LRP5: variants seen among roughly 807,000 people sequenced by gnomAD.
LRP5 encodes low-density lipoprotein receptor-related protein 5.
A neutral mutation model predicts 154.1 loss-of-function variants in LRP5; 62 were observed. The ratio of observed to expected loss-of-function variants is 0.40; its 90% CI spans 0.33 to 0.50. The LOEUF (loss-of-function observed/expected upper bound fraction) is 0.50, where lower values mean the gene tolerates loss of function less well. Among genes scored for constraint, LRP5 ranks in the 20% least tolerant of loss-of-function variants. The pLI is 0.55. For synonymous variants in LRP5, 966 were observed against 1,011.5 expected (o/e 0.96, Z 0.85); for missense variants, 1,915 against 2,336.7 (o/e 0.82, Z 3.72).
chr11:68,425,939 G>C lies in LRP5; in HGVS notation c.3428-39G>C, dbSNP rs201495005. 5.1e-6 allele frequency: 8 copies of C among 1,572,978 alleles called. No homozygotes were observed. The Admixed American group carries it at 8.3e-5, about 16-fold the overall frequency. On this transcript the variant is annotated intron_variant, in intron 15 of 22. Coordinates refer to ENST00000294304, the MANE Select transcript of LRP5 (RefSeq NM_002335.4). ...AGCTGAGTGTGGGGCAAGTTCTGGA[G>C]GTCAGCACTGCTCAGGGGGGCCCAC...
At chr11:68,385,009 G>A (rs936915520) in intron 5 of LRP5, among the ~76,000 whole-genome samples, 13 of 152,236 alleles carry the variant, frequency 8.5e-5, no homozygotes, top group African/African-American at 2.9e-4. Context: ...CCGGTTGTAC[G>A]CTGTCAGGTC....
At chr11:68,433,025 C>T (rs761829860) in intron 17 of LRP5, among the ~76,000 whole-genome samples, 14 of 152,218 alleles carry the variant, frequency 9.2e-5, no homozygotes, top group East Asian at 1.9e-4. Flanking sequence ...CTTCTGCAGG[C>T]GCCTGGGACG....
intron 7 of LRP5, among the ~76,000 whole-genome samples, chr11:68,403,175 G>A (rs2098653586): frequency 6.6e-6 from 1 of 152,150 alleles, no homozygotes; most frequent in Non-Finnish European, 1.5e-5. Context: ...AACCTGGGAG[G>A]TGGAGCTTGC....
At chr11:68,405,070 A>C (rs1264001435) in intron 8 of LRP5, among the ~76,000 whole-genome samples, 3 of 151,958 alleles carry the variant, frequency 2.0e-5, no homozygotes, top group African/African-American at 7.2e-5. Flanking sequence ...GAGGCGGAGA[A>C]TTGCTTGAAC....
chr11:68,312,762 G>A lies in LRP5; in HGVS notation c.48G>A (p.Leu16=). The A allele has an allele frequency of 9.2e-7, 1 of 1,092,138 alleles. No individual in the cohort carries two copies. The highest frequency in any genetic ancestry group is 1.1e-6 in the Non-Finnish European group (1 of 893,666). The allele number at this position is 1,092,138 out of a possible 1,614,324, so 67.7% of individuals were successfully genotyped here. A position where few individuals can be genotyped will look rare whatever the true frequency, so the allele number is the denominator to read the frequency against. ...PGPPWPLLLL[L]LLLLALCGCP... ...CGCCGTGGCCGCTGCTGCTGCTGCTGCTGCTGCTGCTGGCGCTGTGCGGCT... is the reference window on the plus strand; with the variant it reads ...CGCCGTGGCCGCTGCTGCTGCTGCTACTGCTGCTGCTGGCGCTGTGCGGCT... The change falls in exon 1 of 23, where the codon CTG becomes CTA. Residue 16 remains leucine (L), a synonymous_variant. Coordinates refer to ENST00000294304, the MANE Select transcript of LRP5 (RefSeq NM_002335.4).
chr11:68,432,123 C>T lies in LRP5; in HGVS notation c.3764-1479C>T, dbSNP rs114649864. On this transcript the variant is annotated intron_variant, in intron 17 of 22. Transcript: ENST00000294304. ...ACCGCCATTCAGCCCTTCCCTGAGC[C>T]GGGCGCGCCCCTGGCTCTGGCCCCA... Among the ~76,000 whole-genome samples, 1,272 of 152,280 alleles carry T rather than the reference C, an allele frequency of 8.4e-3. 20 individuals carry two copies. The highest frequency in any genetic ancestry group is 0.029 in the African/African-American group (1,186 of 41,558).
chr11:68,383,579 G>A (rs1213954916), intron 5 of LRP5, among the ~76,000 whole-genome samples: 5 of 152,246 alleles, frequency 3.3e-5, no homozygotes, highest in African/African-American at 4.8e-5. Context: ...GAACCTGCCC[G>A]AGGTCACCCA....
At chr11:68,317,507 G>T (rs2098594115) in intron 1 of LRP5, among the ~76,000 whole-genome samples, 1 of 152,100 alleles carries the variant, frequency 6.6e-6, no homozygotes, top group African/African-American at 2.4e-5. Context: ...GCAGAACGGG[G>T]TGCTGGTCCT....
At chr11:68,318,342 G>A (rs2098594678) in intron 1 of LRP5, among the ~76,000 whole-genome samples, 1 of 149,398 alleles carries the variant, frequency 6.7e-6, no homozygotes, top group African/African-American at 2.5e-5. Flanking sequence ...ACCACACCCG[G>A]CCTGCTTTTT....
chr11:68,436,862 C>G lies in LRP5; in HGVS notation c.4001-27C>G, dbSNP rs773006765. The G allele has an allele frequency of 1.9e-6, 3 of 1,587,572 alleles. No individual in the cohort carries two copies. The South Asian group carries it at 3.3e-5, about 18-fold the overall frequency. ...TGGGCTGGGGGGCACCCTCCAGCCTCTCTGAGTGCATGGCCTCTCCTTGCA... is the reference window on the plus strand; with the variant it reads ...TGGGCTGGGGGGCACCCTCCAGCCTGTCTGAGTGCATGGCCTCTCCTTGCA... On this transcript the variant is annotated intron_variant, in intron 18 of 22. Coordinates refer to ENST00000294304, the MANE Select transcript of LRP5 (RefSeq NM_002335.4).
At chr11:68,314,035 G>C (rs1167705778) in intron 1 of LRP5, among the ~76,000 whole-genome samples, 2 of 152,180 alleles carry the variant, frequency 1.3e-5, no homozygotes, top group Non-Finnish European at 2.9e-5. Flanking sequence ...GCCTCTTTCA[G>C]GAGCGTGTTT....
chr11:68,336,012 G>T (rs1051710185), intron 1 of LRP5, among the ~76,000 whole-genome samples: 2 of 152,144 alleles, frequency 1.3e-5, no homozygotes, highest in Non-Finnish European at 2.9e-5. Context: ...CTGGGAAGAG[G>T]GAAGACTGTA....
chr11:68,316,524 G>C (rs551437621), intron 1 of LRP5, among the ~76,000 whole-genome samples: 1 of 152,134 alleles, frequency 6.6e-6, no homozygotes, highest in African/African-American at 2.4e-5. Context: ...TGCCGGCCTC[G>C]GCCTCCCAAA....
chr11:68,319,545 T>G, intron 1 of LRP5, among the ~76,000 whole-genome samples: 1 of 152,048 alleles, frequency 6.6e-6, no homozygotes, highest in East Asian at 1.9e-4. Flanking sequence ...TTAATTTTAT[T>G]TTTTCTCACT....
intron 5 of LRP5, among the ~76,000 whole-genome samples, chr11:68,384,665 G>A (rs2098642011): frequency 1.3e-5 from 2 of 152,158 alleles, no homozygotes; most frequent in African/African-American, 4.8e-5. Flanking sequence ...CCAAACTGGG[G>A]GTCCTAGGAC....
chr11:68,305,390 C>T, the LRP5 span, among the ~76,000 whole-genome samples: 21 of 152,032 alleles, frequency 1.4e-4, no homozygotes, highest in South Asian at 4.2e-4. Context: ...CCTGCAGAAC[C>T]GGGAGCCAGT....
At position 68,429,586 on chromosome 11, in the gene LRP5, T is replaced by C. The variant is rs1252410001; in HGVS notation, c.3649T>C (p.Cys1217Arg). Reference sequence around the variant, plus strand: ...TTTTGTCTTTGCAGCAGCCCACCCATGTGCCCGTGACAATGGTGGCTGCTC... The same window carrying C: ...TTTTGTCTTTGCAGCAGCCCACCCACGTGCCCGTGACAATGGTGGCTGCTC... ...VSLEEFSAHP[C>R]ARDNGGCSHI... The change falls in exon 17 of 23, where the codon TGT becomes CGT. Residue 1217 changes from cysteine (C) to arginine (R), a missense_variant. Around this residue, in one of 3 missense-constraint regions of LRP5, gnomAD observed 1,094 missense variants for 1,210.1 expected, o/e 0.90. Coordinates refer to ENST00000294304, the MANE Select transcript of LRP5 (RefSeq NM_002335.4). 1.9e-6 allele frequency: 3 copies of C among 1,614,144 alleles called. No homozygotes were observed. Among genetic ancestry groups the C allele is most frequent in the Non-Finnish European group, 1.7e-6 (2 of 1,180,042 alleles).
At chr11:68,378,877 A>G (rs1343855861) in intron 5 of LRP5, among the ~76,000 whole-genome samples, 1 of 151,934 alleles carries the variant, frequency 6.6e-6, no homozygotes. Flanking sequence ...GCGAAACTCC[A>G]TCTCTACTAA....
At chr11:68,402,582 AC>A (rs2098653217) in intron 7 of LRP5, among the ~76,000 whole-genome samples, 1 of 151,636 alleles carries the variant, frequency 6.6e-6, no homozygotes, top group African/African-American at 2.4e-5. Flanking sequence ...CCAGGTCCTT[AC>A]ATTTGCTCCA....
Sources: gnomAD v4.1 joint callset for allele counts (sites outside exome capture counted in the v4.1 genomes callset) on GRCh38, gnomAD v4.1.1 for gene constraint, gnomAD v4.1.1 regional missense constraint, MANE v1.5 for transcripts, NCBI Gene and HGNC (gene_info 2026-07-23, HGNC 2026-07-21) for gene names.